Variants in ITPR1 observed in about 807,000 individuals in gnomAD.
ITPR1 encodes inositol 1,4,5-trisphosphate receptor type 1.
In ITPR1, 96 loss-of-function variants were observed where a neutral mutation model predicts 318.4. The ratio of observed to expected loss-of-function variants is 0.30; its 90% CI spans 0.26 to 0.36. The LOEUF is 0.36. Among genes scored for constraint, ITPR1 ranks in the 10% least tolerant of loss-of-function variants. The probability of loss-of-function intolerance (pLI) is 1.00; values close to 1 mark genes in which losing one functional copy is unlikely to be tolerated. For synonymous variants in ITPR1, 1,312 were observed against 1,289.9 expected (o/e 1.02, Z -0.37); for missense variants, 2,440 against 3,460.2 (o/e 0.71, Z 7.40).
rs1165849471 is a variant in ITPR1 at position 4,779,348 on chromosome 3, G to A, written c.6292-202G>A. On this transcript the variant is annotated intron_variant, in intron 48 of 61. Transcript: ENST00000649015. This position sits in a 1 kb window ranked among gnomAD's most constrained non-coding sequence, Gnocchi z 4.0. ...GCCTCTTTGTCCGAAATCAGATTCTGCACACGTATCTGGGGTCTGAAGGGG... is the reference window on the plus strand; with the variant it reads ...GCCTCTTTGTCCGAAATCAGATTCTACACACGTATCTGGGGTCTGAAGGGG... Among the ~76,000 whole-genome samples the A allele has an allele frequency of 2.0e-5, 3 of 152,242 alleles. No homozygotes were observed. The highest frequency in any genetic ancestry group is 4.4e-5 in the Non-Finnish European group (3 of 68,040).
intron 2 of ITPR1, among the ~76,000 whole-genome samples, chr3:4,501,975 T>G (rs1188992791): frequency 2.6e-5 from 4 of 152,194 alleles, no homozygotes; most frequent in African/African-American, 4.8e-5. Flanking sequence ...AAAATATCAC[T>G]AGTCTCCAAG....
intron 61 of ITPR1, among the ~76,000 whole-genome samples, chr3:4,839,130 C>T (rs975185396): frequency 6.6e-6 from 1 of 152,158 alleles, no homozygotes; most frequent in Non-Finnish European, 1.5e-5. Context: ...GAGTTCGAGA[C>T]CAGCCTGACC....
intron 2 of ITPR1, among the ~76,000 whole-genome samples, chr3:4,513,312 C>G (rs1376506660): frequency 6.6e-6 from 1 of 152,202 alleles, no homozygotes; most frequent in Non-Finnish European, 1.5e-5. Context: ...ATCCTCCTCC[C>G]CCCATCTCCT....
At chr3:4,680,798 G>C (rs2094282707) in intron 25 of ITPR1, 107 bp downstream of exon 25, 1 of 982,778 alleles carries the variant, frequency 1.0e-6, no homozygotes, top group South Asian at 1.7e-5. Flanking sequence ...TGGTTTTGAG[G>C]ATTATTGCAC....
At chr3:4,565,502 T>C (rs538964731) in intron 4 of ITPR1, among the ~76,000 whole-genome samples, 2 of 152,332 alleles carry the variant, frequency 1.3e-5, no homozygotes, top group East Asian at 3.9e-4. Context: ...ACTTTGAGGA[T>C]GAAAAGCTCA....
chr3:4,804,609 T>TC (rs1469632302), intron 54 of ITPR1, among the ~76,000 whole-genome samples: 1 of 152,108 alleles, frequency 6.6e-6, no homozygotes, highest in Non-Finnish European at 1.5e-5. Context: ...GTTGGCAGGA[T>TC]CTGGGGTGTG....
chr3:4,822,133 C>T (rs2049766565), intron 60 of ITPR1, among the ~76,000 whole-genome samples: 1 of 152,134 alleles, frequency 6.6e-6, no homozygotes, highest in Non-Finnish European at 1.5e-5. Flanking sequence ...GTCTGTACAT[C>T]GCGGTTCCTA....
chr3:4,814,388 C>A (rs377681114), intron 57 of ITPR1, 35 bp from the exon 58 acceptor site: 2 of 1,612,232 alleles, frequency 1.2e-6, no homozygotes, highest in Admixed American at 3.3e-5. Flanking sequence ...TTTCTCCTCA[C>A]GTTTTCTCTC....
intron 4 of ITPR1, among the ~76,000 whole-genome samples, chr3:4,625,792 C>A (rs2092807391): frequency 6.6e-6 from 1 of 152,190 alleles, no homozygotes; most frequent in Non-Finnish European, 1.5e-5. Context: ...CTCCTGACCT[C>A]ATGATCCACC....
At chr3:4,599,541 C>A (rs1382358110) in intron 4 of ITPR1, among the ~76,000 whole-genome samples, 2 of 152,166 alleles carry the variant, frequency 1.3e-5, no homozygotes, top group Non-Finnish European at 2.9e-5. Flanking sequence ...GTCTTGCCAA[C>A]ATCCTACTTC....
intron 16 of ITPR1, among the ~76,000 whole-genome samples, chr3:4,663,528 T>C (rs1442518423): frequency 2.0e-5 from 3 of 152,190 alleles, no homozygotes; most frequent in Non-Finnish European, 2.9e-5. Flanking sequence ...CTCAGCAAGA[T>C]TGTGCAAAAA....
intron 60 of ITPR1, among the ~76,000 whole-genome samples, chr3:4,835,851 T>C (rs1218374371): frequency 1.3e-5 from 2 of 152,166 alleles, no homozygotes; most frequent in African/African-American, 4.8e-5. Context: ...AAATACTGTT[T>C]ACAGGCATAA....
intron 4 of ITPR1, among the ~76,000 whole-genome samples, chr3:4,620,207 G>A (rs1045206645): frequency 6.6e-6 from 1 of 152,114 alleles, no homozygotes; most frequent in African/African-American, 2.4e-5. Context: ...ACCATCCCAG[G>A]TGTGGATTTT....
intron 4 of ITPR1, among the ~76,000 whole-genome samples, chr3:4,549,769 A>G (rs2085373344): frequency 6.6e-6 from 1 of 152,164 alleles, no homozygotes; most frequent in African/African-American, 2.4e-5. Context: ...GCTGAGAAGT[A>G]AGAAATTGTC....
intron 41 of ITPR1, among the ~76,000 whole-genome samples, chr3:4,726,164 G>C (rs1194391747): frequency 2.6e-5 from 4 of 151,986 alleles, no homozygotes; most frequent in Non-Finnish European, 4.4e-5. Context: ...CGGGTAGCTG[G>C]GATTACAGGC....
chr3:4,758,733 C>A (rs937818296), intron 44 of ITPR1, among the ~76,000 whole-genome samples: 1 of 152,182 alleles, frequency 6.6e-6, no homozygotes, highest in Non-Finnish European at 1.5e-5. Flanking sequence ...CTAGGCAGAG[C>A]GTGCCTGGAG....
At chr3:4,524,655 A>G (rs2082836117) in intron 4 of ITPR1, among the ~76,000 whole-genome samples, 1 of 152,288 alleles carries the variant, frequency 6.6e-6, no homozygotes, top group African/African-American at 2.4e-5. Context: ...AACCATCATA[A>G]CCTGTTCTTA....
rs550078109 is a variant in ITPR1 at position 4,661,143 on chromosome 3, C to G, written c.1251+56C>G. On this transcript the variant is annotated intron_variant, in intron 14 of 61. Coordinates refer to ENST00000649015, the MANE Select transcript of ITPR1 (RefSeq NM_001378452.1). ...GGTCTCGTGTTTCCTAATGAAAGGG[C>G]TCCTTTGAGGACAGATCAGGGAGTA... 23 of 1,013,704 alleles carry G rather than the reference C, an allele frequency of 2.3e-5. No individual in the cohort carries two copies. The Admixed American group carries it at 4.0e-4, about 17-fold the overall frequency. The allele number at this position is 1,013,704 out of a possible 1,614,324, so 62.8% of individuals were successfully genotyped here.
At chr3:4,690,469 GA>G (rs2094463611) in intron 31 of ITPR1, among the ~76,000 whole-genome samples, 4 of 152,238 alleles carry the variant, frequency 2.6e-5, no homozygotes, top group African/African-American at 2.4e-5. Context: ...ACTAAGTGTT[GA>G]CAAGGATAGG....
Sources: gnomAD v4.1 joint callset for allele counts (sites outside exome capture counted in the v4.1 genomes callset) on GRCh38, gnomAD v4.1.1 for gene constraint, Gnocchi (gnomAD v3.1) non-coding constraint, MANE v1.5 for transcripts, NCBI Gene and HGNC (gene_info 2026-07-23, HGNC 2026-07-21) for gene names.